The following VPS13B variants were observed in gnomAD, a reference collection of about 807,000 sequenced individuals.
VPS13B encodes the protein intermembrane lipid transfer protein VPS13B.
A neutral mutation model predicts 426.4 loss-of-function variants in VPS13B; 285 were observed. The ratio of observed to expected loss-of-function variants is 0.67; its 90% CI spans 0.61 to 0.74. VPS13B has a LOEUF of 0.74. Among genes scored for constraint, VPS13B ranks in the 30% least tolerant of loss-of-function variants. The pLI is 0.00. For synonymous variants in VPS13B, 1,676 were observed against 1,676.4 expected, an observed-to-expected ratio of 1.00 and a Z score of 0.01; for missense variants, 4,537 against 4,782.6, an observed-to-expected ratio of 0.95 and a Z score of 1.51.
At chr8:99,569,327 G>A (rs1308476614) in intron 31 of VPS13B, among the ~76,000 whole-genome samples, 1 of 151,912 alleles carries the variant, frequency 6.6e-6, no homozygotes, top group Non-Finnish European at 1.5e-5. Flanking sequence ...TACTTAGGAG[G>A]CTGAGGTACT....
intron 3 of VPS13B, among the ~76,000 whole-genome samples, chr8:99,047,349 G>A (rs1334625254): frequency 1.3e-5 from 2 of 152,048 alleles, no homozygotes; most frequent in Admixed American, 1.3e-4. Flanking sequence ...ATGATCCTTT[G>A]TATTTCTGTC....
chr8:99,703,277 ATTC>A (rs1346857285), intron 36 of VPS13B, among the ~76,000 whole-genome samples: 3 of 152,204 alleles, frequency 2.0e-5, no homozygotes, highest in African/African-American at 7.2e-5. Flanking sequence ...CTCCTATGTT[ATTC>A]TTTAACCCTA....
intron 33 of VPS13B, among the ~76,000 whole-genome samples, chr8:99,615,706 C>T (rs564560587): frequency 6.6e-6 from 1 of 152,208 alleles, no homozygotes; most frequent in African/African-American, 2.4e-5. Flanking sequence ...TTTGCCACAC[C>T]TGATGGAATC....
At position 99,595,637 on chromosome 8, in the gene VPS13B, C is replaced by G. The variant is rs796325960; in HGVS notation, c.5220+18004C>G. ...AATAGATAAATGGAACTTTAAAAAC[C>G]CTGAAGCTTTTATGCTTCAAAGGAC... is the stretch of plus-strand genomic sequence containing the variant. On this transcript the variant is annotated intron_variant, in intron 33 of 61. Transcript: ENST00000357162. Among the ~76,000 whole-genome samples the G allele has an allele frequency of 2.4e-4, 37 of 151,522 alleles. 1 individual carries two copies. Among genetic ancestry groups the G allele is most frequent in the Middle Eastern group, 3.4e-3 (1 of 292 alleles).
At chr8:99,163,411 C>T (rs1273947514) in intron 15 of VPS13B, among the ~76,000 whole-genome samples, 1 of 152,236 alleles carries the variant, frequency 6.6e-6, no homozygotes, top group Non-Finnish European at 1.5e-5. Flanking sequence ...TTCCTCAGCC[C>T]TTGGGTGGTC....
chr8:99,060,304 A>G (rs1377549109), intron 3 of VPS13B, among the ~76,000 whole-genome samples: 1 of 152,086 alleles, frequency 6.6e-6, no homozygotes, highest in African/African-American at 2.4e-5. Flanking sequence ...TAAATGTTTG[A>G]TTCTTTAAAA....
Position 99,708,813 on chromosome 8 carries a change from TTC to T in VPS13B, c.6455-8344_6455-8343del, listed in dbSNP as rs541780920. Among the ~76,000 whole-genome samples, 50 of 141,338 alleles carry T rather than the reference TTC, an allele frequency of 3.5e-4. 1 individual carries two copies. Among genetic ancestry groups the T allele is most frequent in the Middle Eastern group, 3.4e-3 (1 of 290 alleles). 92.7% of individuals were successfully genotyped at this position (141,338 alleles called of 152,430 possible). A position where few individuals can be genotyped will look rare whatever the true frequency, so the allele number is the denominator to read the frequency against. ...TATTTTAGTTTACCATATTAATAGG[TTC>T]TCTCTCTCTCTCTGTCTCTCTCTCT... On this transcript the variant is annotated intron_variant, in intron 36 of 61. Coordinates refer to ENST00000357162, the MANE Select transcript of VPS13B (RefSeq NM_152564.5).
intron 19 of VPS13B, among the ~76,000 whole-genome samples, chr8:99,277,592 T>C (rs1480077930): frequency 6.6e-6 from 1 of 152,168 alleles, no homozygotes; most frequent in African/African-American, 2.4e-5. Context: ...TACAAAAATA[T>C]TATACTTTCA....
intron 39 of VPS13B, among the ~76,000 whole-genome samples, chr8:99,731,859 A>G (rs1368765116): frequency 1.3e-5 from 2 of 152,190 alleles, no homozygotes; most frequent in African/African-American, 4.8e-5. Context: ...GCTAGGCACT[A>G]TTCACTTTGT....
At chr8:99,245,947 C>T (rs903062902) in intron 17 of VPS13B, among the ~76,000 whole-genome samples, 1 of 152,192 alleles carries the variant, frequency 6.6e-6, no homozygotes, top group Non-Finnish European at 1.5e-5. Context: ...AGCTGTTTGT[C>T]AAAATATAGC....
At chr8:99,747,285 C>CAA (rs1204936696) in intron 39 of VPS13B, among the ~76,000 whole-genome samples, 62 of 77,340 alleles carry the variant, frequency 8.0e-4, no homozygotes, top group African/African-American at 2.8e-3. Flanking sequence ...TGTTATTGTA[C>CAA]AAAAAAAAAA....
intron 32 of VPS13B, among the ~76,000 whole-genome samples, chr8:99,576,705 T>C (rs901955903): frequency 6.6e-6 from 1 of 152,166 alleles, no homozygotes; most frequent in African/African-American, 2.4e-5. Flanking sequence ...GCAGGACTTA[T>C]TAAGTGAAAC....
intron 33 of VPS13B, among the ~76,000 whole-genome samples, chr8:99,629,895 C>T (rs1000521832): frequency 2.6e-5 from 4 of 152,184 alleles, no homozygotes; most frequent in Non-Finnish European, 4.4e-5. Context: ...CTCTAGTCAC[C>T]TACTCCCCTC....
intron 33 of VPS13B, among the ~76,000 whole-genome samples, chr8:99,637,388 C>T (rs1563837319): frequency 1.3e-5 from 2 of 152,008 alleles, no homozygotes; most frequent in African/African-American, 4.8e-5. Flanking sequence ...GCTTTTAACC[C>T]AGTTTTAGGA....
intron 31 of VPS13B, among the ~76,000 whole-genome samples, chr8:99,568,847 TATC>T (rs1457747000): frequency 6.6e-6 from 1 of 151,206 alleles, no homozygotes; most frequent in Non-Finnish European, 1.5e-5. Flanking sequence ...AGTCTTGCTC[TATC>T]GCCCAGGCTG....
chr8:99,872,119 C>G (rs909606366), intron 61 of VPS13B, among the ~76,000 whole-genome samples: 11 of 152,156 alleles, frequency 7.2e-5, no homozygotes, highest in African/African-American at 2.7e-4. Flanking sequence ...AGGAGGTCCC[C>G]TGGTCTGAAA....
chr8:99,812,583 C>T (rs866696937), intron 44 of VPS13B, among the ~76,000 whole-genome samples: 1 of 152,242 alleles, frequency 6.6e-6, no homozygotes, highest in Middle Eastern at 3.4e-3. Context: ...TCTTATACCC[C>T]TCTCATTTCC....
intron 61 of VPS13B, 75 bp downstream of exon 61, chr8:99,871,772 A>C (rs1817429062): frequency 6.2e-7 from 1 of 1,606,600 alleles, no homozygotes; most frequent in Non-Finnish European, 8.5e-7. Context: ...ACTGGTACCT[A>C]GGCATTTCTG....
intron 14 of VPS13B, 128 bp downstream of exon 14, chr8:99,148,138 G>C: frequency 9.7e-7 from 1 of 1,029,296 alleles, no homozygotes; most frequent in East Asian, 2.6e-5. Flanking sequence ...GGCAATTCAG[G>C]AGGCTGGGGC....
Sources: gnomAD v4.1 joint callset for allele counts (sites outside exome capture counted in the v4.1 genomes callset) on GRCh38, gnomAD v4.1.1 for gene constraint, MANE v1.5 for transcripts, NCBI Gene and HGNC (gene_info 2026-07-23, HGNC 2026-07-21) for gene names.